The following DLC1 variants were observed in gnomAD, a reference collection of about 807,000 sequenced individuals.
DLC1 encodes the protein rho GTPase-activating protein 7.
DLC1 carries 54 observed loss-of-function variants against 140.3 expected under a neutral mutation model. That is an observed-to-expected ratio of 0.38 (90% CI 0.31 to 0.48). The LOEUF (loss-of-function observed/expected upper bound fraction) is 0.48. Ranked by LOEUF, DLC1 falls within the 20% of genes least tolerant of loss-of-function variation. The probability of loss-of-function intolerance (pLI) is 0.96; values close to 1 mark genes in which losing one functional copy is unlikely to be tolerated. For synonymous variants in DLC1, 986 were observed against 728.1 expected (o/e 1.35, Z -5.70); for missense variants, 2,536 against 1,907.0 (o/e 1.33, Z -6.14).
chr8:13,483,903 G>A lies in DLC1; in HGVS notation c.1023+15146C>T, dbSNP rs368697019. On this transcript the variant is annotated intron_variant, in intron 2 of 17. Transcript: ENST00000276297. ...TCGAGATCAGCCTGGCCAACAGGGT[G>A]AACCCAAATCTCTACTAAAAGTACA... 4.9e-3 allele frequency among the ~76,000 whole-genome samples: 740 copies of A among 152,206 alleles called. 6 individuals are homozygous for A. Among genetic ancestry groups the A allele is most frequent in the African/African-American group, 0.017 (705 of 41,528 alleles).
intron 5 of DLC1, chr8:13,133,145 A>C: frequency 6.9e-7 from 1 of 1,448,758 alleles, no homozygotes; most frequent in South Asian, 1.5e-5. Flanking sequence ...CCCCAGAAAG[A>C]AAGCGGGGTT....
At chr8:13,168,003 T>TG (rs1384702218) in intron 5 of DLC1, among the ~76,000 whole-genome samples, 1 of 152,230 alleles carries the variant, frequency 6.6e-6, no homozygotes, top group East Asian at 1.9e-4. Flanking sequence ...CATGTTTTTT[T>TG]CATTTTCTGT....
intron 5 of DLC1, among the ~76,000 whole-genome samples, chr8:13,132,098 A>G (rs912935462): frequency 6.6e-6 from 1 of 152,090 alleles, no homozygotes; most frequent in Non-Finnish European, 1.5e-5. Context: ...TCTCCGGCCC[A>G]GGAACTCGCT....
intron 5 of DLC1, among the ~76,000 whole-genome samples, chr8:13,222,358 C>G (rs539761818): frequency 5.9e-5 from 9 of 152,106 alleles, no homozygotes; most frequent in Non-Finnish European, 1.2e-4. Context: ...TTGAGCTATT[C>G]TGCTAAAAGT....
At chr8:13,455,621 A>T (rs1249760922) in intron 2 of DLC1, among the ~76,000 whole-genome samples, 27 of 152,202 alleles carry the variant, frequency 1.8e-4, no homozygotes, top group Non-Finnish European at 4.4e-5. Context: ...TTCTCAGTGA[A>T]TTCTTCTCTG....
chr8:13,547,457 G>C (rs1184082627), intron 1 of DLC1, among the ~76,000 whole-genome samples: 1 of 151,960 alleles, frequency 6.6e-6, no homozygotes, highest in Non-Finnish European at 1.5e-5. Flanking sequence ...ACCCAACACA[G>C]TCTATAACCA....
chr8:13,375,906 A>G (rs1186712212), intron 4 of DLC1, among the ~76,000 whole-genome samples: 1 of 152,184 alleles, frequency 6.6e-6, no homozygotes, highest in Admixed American at 6.5e-5. Flanking sequence ...ATCTCTCTAT[A>G]TAGTCAACAT....
chr8:13,321,457 G>T (rs1156912079), intron 4 of DLC1, among the ~76,000 whole-genome samples: 3 of 131,826 alleles, frequency 2.3e-5, no homozygotes, highest in Middle Eastern at 6.0e-3. Flanking sequence ...AGAATCGCTT[G>T]AACCCAGGAG....
chr8:13,385,926 G>A (rs1836501847), intron 4 of DLC1, among the ~76,000 whole-genome samples: 1 of 152,138 alleles, frequency 6.6e-6, no homozygotes, highest in African/African-American at 2.4e-5. Context: ...GAGACAACTA[G>A]GTTTGAAATG....
intron 4 of DLC1, among the ~76,000 whole-genome samples, chr8:13,332,609 T>C (rs565420663): frequency 7.7e-5 from 4 of 51,638 alleles, no homozygotes; most frequent in African/African-American, 2.0e-4. Context: ...TTTTGTATGT[T>C]TAGTAGAGAT....
At chr8:13,270,347 C>T (rs1830880311) in intron 5 of DLC1, among the ~76,000 whole-genome samples, 1 of 152,152 alleles carries the variant, frequency 6.6e-6, no homozygotes, top group Non-Finnish European at 1.5e-5. Context: ...AGTCTTGTTG[C>T]AGAAAGGGAG....
At chr8:13,112,959 C>T (rs571268546) in intron 6 of DLC1, among the ~76,000 whole-genome samples, 1 of 152,120 alleles carries the variant, frequency 6.6e-6, no homozygotes, top group East Asian at 1.9e-4. Flanking sequence ...TTGAAATTTT[C>T]ATATGCCTAT....
chr8:13,210,625 T>G (rs936240525), intron 5 of DLC1, among the ~76,000 whole-genome samples: 1 of 152,230 alleles, frequency 6.6e-6, no homozygotes, highest in Non-Finnish European at 1.5e-5. Flanking sequence ...TTTCTCTGAC[T>G]TTTGGAAAGA....
intron 1 of DLC1, among the ~76,000 whole-genome samples, chr8:13,503,861 A>G (rs1801930534): frequency 6.6e-6 from 1 of 152,166 alleles, no homozygotes; most frequent in African/African-American, 2.4e-5. Context: ...TCTATCATAG[A>G]TATCTATCTG....
At chr8:13,299,600 G>A (rs1022281194) in intron 5 of DLC1, among the ~76,000 whole-genome samples, 4 of 151,386 alleles carry the variant, frequency 2.6e-5, no homozygotes, top group Admixed American at 1.3e-4. Flanking sequence ...AGAGAGCTAC[G>A]AGGGATTCTA....
chr8:13,327,694 C>T (rs1671385), intron 4 of DLC1, among the ~76,000 whole-genome samples: 128,244 of 151,852 alleles, frequency 0.84, 54,759 homozygotes, highest in East Asian at 0.95. Context: ...TGAGCCTCTA[C>T]TCTGTATCAG....
chr8:13,539,539 G>T (rs914423653), intron 1 of DLC1, among the ~76,000 whole-genome samples: 1 of 152,160 alleles, frequency 6.6e-6, no homozygotes, highest in African/African-American at 2.4e-5. Flanking sequence ...AAACCAGCAA[G>T]CTGAGAGCTC....
Position 13,475,100 on chromosome 8 carries a change from A to T in DLC1, c.1023+23949T>A, listed in dbSNP as rs1009483461. Among the ~76,000 whole-genome samples the T allele has an allele frequency of 2.2e-4, 30 of 138,170 alleles. 1 individual carries two copies. The highest frequency in any genetic ancestry group is 8.2e-4 in the African/African-American group (30 of 36,640). 90.6% of individuals were successfully genotyped at this position (138,170 alleles called of 152,430 possible). A position where few individuals can be genotyped will look rare whatever the true frequency, so the allele number is the denominator to read the frequency against. ...AGTGCCAGGATTACAGCTGTGAGCC[A>T]CTGCATCCAGCAAAATGACATTTTT... On this transcript the variant is annotated intron_variant, in intron 2 of 17. Coordinates refer to ENST00000276297, the MANE Select transcript of DLC1 (RefSeq NM_182643.3).
intron 2 of DLC1, among the ~76,000 whole-genome samples, chr8:13,418,679 A>T (rs946013660): frequency 5.9e-5 from 9 of 152,072 alleles, no homozygotes; most frequent in Admixed American, 5.2e-4. Context: ...TTGGCTTAGG[A>T]TTGACTTGGC....
Sources: gnomAD v4.1 joint callset for allele counts (sites outside exome capture counted in the v4.1 genomes callset) on GRCh38, gnomAD v4.1.1 for gene constraint, MANE v1.5 for transcripts, NCBI Gene and HGNC (gene_info 2026-07-23, HGNC 2026-07-21) for gene names.